The following RIMS1 variants were observed in gnomAD, a reference collection of about 807,000 sequenced individuals.
RIMS1 encodes the protein regulating synaptic membrane exocytosis protein 1.
In RIMS1, 83 loss-of-function variants were observed where a neutral mutation model predicts 214.1. The observed-to-expected ratio is 0.39, with a 90% CI of 0.32 to 0.47. RIMS1 has a LOEUF of 0.47. Among genes scored for constraint, RIMS1 ranks in the 20% least tolerant of loss-of-function variants. The probability of loss-of-function intolerance (pLI) is 0.99; values close to 1 mark genes in which losing one functional copy is unlikely to be tolerated. For missense variants in RIMS1, 2,050 were observed against 2,161.8 expected, an observed-to-expected ratio of 0.95 and a Z score of 1.03; for synonymous variants, 793 against 786.8, an observed-to-expected ratio of 1.01 and a Z score of -0.13.
At chr6:71,908,839 C>A (rs928602776) in intron 1 of RIMS1, among the ~76,000 whole-genome samples, 1 of 152,114 alleles carries the variant, frequency 6.6e-6, no homozygotes, top group Non-Finnish European at 1.5e-5. Flanking sequence ...AAAATTAAGA[C>A]CCAGAGCCAA....
chr6:72,102,227 A>AT (rs1562315025), intron 4 of RIMS1, among the ~76,000 whole-genome samples: 2 of 151,798 alleles, frequency 1.3e-5, no homozygotes, highest in African/African-American at 4.8e-5. Flanking sequence ...TTTCATCACT[A>AT]TTTTTTTAGT....
rs149480002 is a variant in RIMS1 at position 71,897,902 on chromosome 6, G to C, written c.164+10715G>C. 1.2e-3 allele frequency among the ~76,000 whole-genome samples: 178 copies of C among 152,264 alleles called. No individual in the cohort carries two copies. In the East Asian group the frequency reaches 0.03, roughly 26 times the overall value. ...CCAGGGCTGCTAACGGTATAAGTAG[G>C]AGGATAGAGTGGGATGATTATTCTA... is the stretch of plus-strand genomic sequence containing the variant. On this transcript the variant is annotated intron_variant, in intron 1 of 33. Coordinates refer to ENST00000521978, the MANE Select transcript of RIMS1 (RefSeq NM_014989.7).
intron 20 of RIMS1, among the ~76,000 whole-genome samples, 162 bp from the exon 21 acceptor site, chr6:72,265,228 T>C (rs1197729583): frequency 6.6e-6 from 1 of 152,186 alleles, no homozygotes; most frequent in Non-Finnish European, 1.5e-5. Context: ...ATATCTAAAA[T>C]CGTTTTAACT....
At chr6:71,987,677 C>T (rs1361692114) in intron 2 of RIMS1, among the ~76,000 whole-genome samples, 1 of 152,136 alleles carries the variant, frequency 6.6e-6, no homozygotes, top group Non-Finnish European at 1.5e-5. Context: ...TACACAATAT[C>T]ATTATCAATC....
intron 29 of RIMS1, among the ~76,000 whole-genome samples, chr6:72,363,254 T>TA (rs1193040885): frequency 2.0e-5 from 3 of 151,838 alleles, no homozygotes; most frequent in African/African-American, 7.3e-5. Context: ...TTTAAGGAAG[T>TA]AAAAAAAGGT....
intron 1 of RIMS1, among the ~76,000 whole-genome samples, chr6:71,967,657 ATC>A (rs907881682): frequency 1.4e-3 from 215 of 152,322 alleles, no homozygotes; most frequent in African/African-American, 5.1e-3. Flanking sequence ...GTTGACTCAC[ATC>A]TCTTGACCAA....
chr6:72,243,900 T>C (rs953793690), intron 10 of RIMS1, among the ~76,000 whole-genome samples: 9 of 150,132 alleles, frequency 6.0e-5, no homozygotes, highest in African/African-American at 2.2e-4. Flanking sequence ...TGAATCAGAA[T>C]CAAAGGTAGT....
At chr6:71,902,023 ATAGC>A (rs1773786612) in intron 1 of RIMS1, among the ~76,000 whole-genome samples, 1 of 152,162 alleles carries the variant, frequency 6.6e-6, no homozygotes. Flanking sequence ...GCATGAGAAG[ATAGC>A]TAGAGGAGAA....
rs367992303 is a variant in RIMS1, at chr6:72,260,740, G to A, written c.3089G>A (p.Arg1030Gln). Residue 1030 changes from arginine (R) to glutamine (Q), a missense_variant, in exon 19 of 34, where the codon CGA (arginine) becomes CAA (glutamine). Around this residue, in one of 6 missense-constraint regions of RIMS1, gnomAD observed 889 missense variants for 885.5 expected, o/e 1.00. Transcript: ENST00000521978. ...ATGCTGCCCAGAGCAAAACGAGGAC[G>A]AAGTGCAGAATGCCTACATACTACC... is the stretch of plus-strand genomic sequence containing the variant. ...LLMLPRAKRG[R>Q]SAECLHTTRH... 1.2e-5 allele frequency: 19 copies of A among 1,612,234 alleles called. No individual in the cohort carries two copies. The highest frequency in any genetic ancestry group is 2.7e-5 in the African/African-American group (2 of 74,830).
chr6:72,370,373 G>A (rs769980228), intron 29 of RIMS1, among the ~76,000 whole-genome samples: 1 of 152,112 alleles, frequency 6.6e-6, no homozygotes, highest in African/African-American at 2.4e-5. Context: ...AAGACCATTC[G>A]GGACCTTTGC....
rs184631716 is a variant in RIMS1, at chr6:72,198,248, G to A, written c.1678+15099G>A. ...ATGGGTAAAGAAAATGTGCATATAC[G>A]CAATTAAATACGATTCGCCCATATG... is the stretch of plus-strand genomic sequence containing the variant. On this transcript the variant is annotated intron_variant, in intron 6 of 33. Transcript: ENST00000521978. 2.5e-3 allele frequency among the ~76,000 whole-genome samples: 379 copies of A among 152,088 alleles called. 1 individual carries two copies. The highest frequency in any genetic ancestry group is 0.02 in the Middle Eastern group (6 of 294).
intron 26 of RIMS1, among the ~76,000 whole-genome samples, chr6:72,296,715 A>C (rs1167443042): frequency 6.6e-6 from 1 of 151,934 alleles, no homozygotes; most frequent in Non-Finnish European, 1.5e-5. Context: ...TAATTTAATA[A>C]AAGTACATTT....
chr6:72,001,865 G>C (rs1024461807), intron 2 of RIMS1, among the ~76,000 whole-genome samples: 5 of 152,046 alleles, frequency 3.3e-5, no homozygotes, highest in Non-Finnish European at 7.3e-5. Context: ...TTAAAATGTG[G>C]TACAGAACAT....
At chr6:72,233,911 T>TCACATATCAGACAAA in intron 7 of RIMS1, 71 bp downstream of exon 7, 1 of 928,682 alleles carries the variant, frequency 1.1e-6, no homozygotes, top group Non-Finnish European at 1.7e-6. Flanking sequence ...TTGTCTGATA[T>TCACATATCAGACAAA]GTGATATCTG....
At chr6:72,196,278 A>G (rs532915246) in intron 6 of RIMS1, among the ~76,000 whole-genome samples, 12 of 152,222 alleles carry the variant, frequency 7.9e-5, no homozygotes, top group African/African-American at 2.9e-4. Flanking sequence ...AAAAGAACCT[A>G]CTGCATTATG....
chr6:72,331,720 C>G (rs1464846256), intron 28 of RIMS1, among the ~76,000 whole-genome samples: 1 of 151,834 alleles, frequency 6.6e-6, no homozygotes, highest in Non-Finnish European at 1.5e-5. Context: ...TAATAATACT[C>G]TCATTTGTGT....
chr6:72,219,637 G>A, intron 6 of RIMS1, among the ~76,000 whole-genome samples: 1 of 150,340 alleles, frequency 6.7e-6, no homozygotes, highest in Non-Finnish European at 1.5e-5. Flanking sequence ...TATAATATCT[G>A]TCTTATATTT....
chr6:72,223,177 AT>A (rs2059075798), intron 6 of RIMS1, among the ~76,000 whole-genome samples: 1 of 152,170 alleles, frequency 6.6e-6, no homozygotes, highest in Non-Finnish European at 1.5e-5. Flanking sequence ...AGGAGCTCAG[AT>A]TTTGTTCTAT....
At chr6:72,213,462 G>A (rs2054300719) in intron 6 of RIMS1, among the ~76,000 whole-genome samples, 1 of 151,966 alleles carries the variant, frequency 6.6e-6, no homozygotes, top group Non-Finnish European at 1.5e-5. Context: ...GATTAATTAT[G>A]TTTATGATTG....
Sources: allele counts gnomAD v4.1 joint callset (sites outside exome capture counted in the v4.1 genomes callset), GRCh38; gene constraint gnomAD v4.1.1; regional missense constraint gnomAD v4.1.1; transcripts MANE v1.5; gene names NCBI Gene and HGNC (gene_info 2026-07-23, HGNC 2026-07-21).